The following SLC16A5 variants were observed in gnomAD, a reference collection of about 807,000 sequenced individuals.
SLC16A5 encodes the protein monocarboxylate transporter 6.
SLC16A5 carries 29 observed loss-of-function variants against 33.2 expected under a neutral mutation model. That is an observed-to-expected ratio of 0.87 (90% CI 0.65 to 1.19). The LOEUF (loss-of-function observed/expected upper bound fraction) is 1.19. Among genes scored for constraint, SLC16A5 ranks in the 50% most tolerant of loss-of-function variants. SLC16A5 has a pLI of 0.00. For synonymous variants in SLC16A5, 248 were observed against 284.1 expected (o/e 0.87, Z 1.28); for missense variants, 606 against 678.2 (o/e 0.89, Z 1.18).
At chr17:75,096,280 G>T (rs758908097) in intron 3 of SLC16A5, among the ~76,000 whole-genome samples, 1 of 151,542 alleles carries the variant, frequency 6.6e-6, no homozygotes, top group African/African-American at 2.4e-5. Context: ...CCTGTGTCCC[G>T]CCCGGCCACA....
At chr17:75,091,427 C>T (rs866679818) in intron 2 of SLC16A5, among the ~76,000 whole-genome samples, 4 of 152,080 alleles carry the variant, frequency 2.6e-5, no homozygotes, top group Admixed American at 6.6e-5. Context: ...AGCCAGAGGT[C>T]GCATGCAGAG....
In SLC16A5 at chr17:75,105,458, T is replaced by G. The variant is rs946524560; in HGVS notation, c.1365-422T>G. On this transcript the variant is annotated intron_variant, in intron 6 of 6. Transcript: ENST00000329783. ...TCCTGTCCTCCAGAGGCCCCCCTTTTCCCTGCCGTGTTATTGGTGTCAACC... is the reference window on the plus strand; with the variant it reads ...TCCTGTCCTCCAGAGGCCCCCCTTTGCCCTGCCGTGTTATTGGTGTCAACC... 4.1e-6 allele frequency: 4 copies of G among 985,226 alleles called. No homozygotes were observed. In the African/African-American group the frequency reaches 7.0e-5, roughly 17 times the overall value. 61.0% of individuals were successfully genotyped at this position (985,226 alleles called of 1,614,324 possible).
intron 3 of SLC16A5, among the ~76,000 whole-genome samples, chr17:75,094,684 CA>C (rs10642740): frequency 2.3e-4 from 32 of 139,496 alleles, no homozygotes; most frequent in Middle Eastern, 3.6e-3. Flanking sequence ...GAAACTGTCT[CA>C]AAAAAAAAAA....
intron 5 of SLC16A5, 64 bp from the exon 6 acceptor site, chr17:75,103,906 G>A: frequency 7.0e-7 from 1 of 1,432,242 alleles, no homozygotes; most frequent in Non-Finnish European, 9.8e-7. Flanking sequence ...TGCTGTCAGG[G>A]AACACACAGC....
chr17:75,096,390 A>C (rs1397066829), intron 3 of SLC16A5, among the ~76,000 whole-genome samples: 4 of 150,058 alleles, frequency 2.7e-5, no homozygotes, highest in Non-Finnish European at 5.9e-5. Flanking sequence ...GTCAGGCCAG[A>C]GTCTCTGGCG....
Position 75,100,100 on chromosome 17 carries a change from TG to T in SLC16A5, c.440del (p.Gly147AlafsTer43), listed in dbSNP as rs1218535487. 1 of 1,613,954 alleles carries T rather than the reference TG, an allele frequency of 6.2e-7. No homozygotes were observed. Among genetic ancestry groups the T allele is most frequent in the Non-Finnish European group, 8.5e-7 (1 of 1,180,012 alleles). ...GTGCTGGCCAACGCGCTGGCCTCGA[TG>T]GGCGTCTCCCTGGGCATCACCCTCT... ...RRVLANALAS[M>X]GVSLGITLWP... On this transcript the variant is annotated frameshift_variant, in exon 5 of 7. Transcript: ENST00000329783. LOFTEE classifies it high-confidence loss of function.
At position 75,093,257 on chromosome 17, in the gene SLC16A5, C is replaced by T. The variant is rs2073666407; in HGVS notation, c.-48-332C>T. The T allele has an allele frequency of 1.2e-5, 8 of 681,600 alleles. No homozygotes were observed. The East Asian group carries it at 2.2e-4, about 19-fold the overall frequency. 42.2% of individuals were successfully genotyped at this position (681,600 alleles called of 1,614,324 possible). ...AGTGACTGAGTGGGCTAGGAGGTCC[C>T]CCTGTTGACTTCTAAGTGATGTAAC... On this transcript the variant is annotated intron_variant, in intron 2 of 6. Transcript: ENST00000329783.
chr17:75,101,882 C>G (rs775154735), intron 5 of SLC16A5, among the ~76,000 whole-genome samples: 40 of 152,194 alleles, frequency 2.6e-4, no homozygotes, highest in Non-Finnish European at 4.9e-4. Flanking sequence ...TGATCTGCCT[C>G]CCTCAGCCTC....
At chr17:75,098,847 G>A (rs1340734205) in intron 4 of SLC16A5, among the ~76,000 whole-genome samples, 1 of 152,146 alleles carries the variant, frequency 6.6e-6, no homozygotes, top group Admixed American at 6.6e-5. Flanking sequence ...GACAGCCACT[G>A]GGGGAATGGG....
intron 3 of SLC16A5, 32 bp downstream of exon 3, chr17:75,093,867 G>A (rs1465850750): frequency 6.3e-7 from 1 of 1,597,636 alleles, no homozygotes; most frequent in East Asian, 2.2e-5. Flanking sequence ...CGATGAGAAA[G>A]TCCTAGGGGT....
intron 6 of SLC16A5, chr17:75,104,682 T>G (rs1024053418): frequency 1.2e-6 from 1 of 803,614 alleles, no homozygotes; most frequent in Admixed American, 6.2e-5. Flanking sequence ...ACTTCCGACC[T>G]CAGGTGATCT....
At chr17:75,091,139 G>A (rs2073632358) in intron 2 of SLC16A5, among the ~76,000 whole-genome samples, 1 of 152,156 alleles carries the variant, frequency 6.6e-6, no homozygotes, top group South Asian at 2.1e-4. Flanking sequence ...GGCAAAGGCA[G>A]GAGGAAGCCA....
At chr17:75,105,698 A>G (rs2073854070) in intron 6 of SLC16A5, 182 bp from the exon 7 acceptor site, 10 of 985,468 alleles carry the variant, frequency 1.0e-5, no homozygotes, top group Non-Finnish European at 1.2e-5. Context: ...TGTTCCCTGC[A>G]GCAGGTCATA....
intron 3 of SLC16A5, among the ~76,000 whole-genome samples, chr17:75,095,751 C>T (rs190937814): frequency 0.046 from 6,880 of 150,928 alleles, 630 homozygotes; most frequent in African/African-American, 0.16. Flanking sequence ...CCTCCGCCTT[C>T]CAGGTTCAAG....
chr17:75,100,173 T>C lies in SLC16A5; in HGVS notation c.510T>C (p.Gly170=). Residue 170 remains glycine (G), a synonymous_variant, in exon 5 of 7, where the codon GGT becomes GGC. Coordinates refer to ENST00000329783, the MANE Select transcript of SLC16A5 (RefSeq NM_004695.4). ...RYLLENLGWR[G]TFLVFGGIFL... ...TTCTGGAGAACCTGGGCTGGAGGGG[T>C]ACCTTCCTTGTCTTCGGCGGGATCT... 1 of 1,614,106 alleles carries C rather than the reference T, an allele frequency of 6.2e-7. No homozygotes were observed. The highest frequency in any genetic ancestry group is 1.1e-5 in the South Asian group (1 of 91,080).
chr17:75,109,855 T>C (rs1005034313), downstream of SLC16A5: 3 of 196,674 alleles, frequency 1.5e-5, no homozygotes, highest in African/African-American at 7.2e-5. The surrounding 1 kb of genome is among the most constrained non-coding windows in gnomAD (Gnocchi z 5.0). Context: ...CAGCACAGGC[T>C]AAAGAGCTTC....
chr17:75,102,558 T>TG (rs1344491854), intron 5 of SLC16A5, among the ~76,000 whole-genome samples: 1 of 146,412 alleles, frequency 6.8e-6, no homozygotes, highest in Middle Eastern at 3.3e-3. Flanking sequence ...GAGAGGCAGC[T>TG]GAGAGTGTGA....
At chr17:75,095,579 C>G (rs372052289) in intron 3 of SLC16A5, among the ~76,000 whole-genome samples, 3 of 152,286 alleles carry the variant, frequency 2.0e-5, no homozygotes, top group East Asian at 1.9e-4. Context: ...CCTATTGCAG[C>G]CTTAACCTCT....
intron 4 of SLC16A5, 71 bp downstream of exon 4, chr17:75,098,252 G>A (rs1243497662): frequency 6.3e-7 from 1 of 1,586,172 alleles, no homozygotes; most frequent in African/African-American, 1.4e-5. Context: ...GGACAGGGCA[G>A]GCAGGCCTCT....
Sources: allele counts gnomAD v4.1 joint callset (sites outside exome capture counted in the v4.1 genomes callset), GRCh38; gene constraint gnomAD v4.1.1; non-coding constraint Gnocchi (gnomAD v3.1); transcripts MANE v1.5; gene names NCBI Gene and HGNC (gene_info 2026-07-23, HGNC 2026-07-21).